Variants in MYO10 observed in about 807,000 individuals in gnomAD.
MYO10 encodes the protein myosin X.
A neutral mutation model predicts 257.3 loss-of-function variants in MYO10; 133 were observed. That is an observed-to-expected ratio of 0.52 (90% CI 0.45 to 0.60). The LOEUF (loss-of-function observed/expected upper bound fraction) is 0.60, where lower values mean the gene tolerates loss of function less well. Among genes scored for constraint, MYO10 ranks in the 20% least tolerant of loss-of-function variants. The pLI, the probability that MYO10 is intolerant of heterozygous loss-of-function variation, is 0.00. For missense variants in MYO10, 2,399 were observed against 2,635.7 expected, an observed-to-expected ratio of 0.91 and a Z score of 1.97; for synonymous variants, 1,104 against 1,028.6, an observed-to-expected ratio of 1.07 and a Z score of -1.40.
At chr5:16,763,426 A>C (rs1394437161) in intron 14 of MYO10, 55 bp downstream of exon 14, 2 of 1,362,492 alleles carry the variant, frequency 1.5e-6, no homozygotes, top group Non-Finnish European at 2.1e-6. Flanking sequence ...CATAAATATG[A>C]ATCAGTCCAG....
Position 16,701,350 on chromosome 5 carries a change from G to A in MYO10, c.3045C>T (p.His1015=), listed in dbSNP as rs1486242293. ...KDSPNPSEHG[H]SDQRTSGIRT... ...GGATGCCACTTGTTCGCTGGTCTGA[G>A]TGGCCGTGCTCGCTGGGGTTGGGGG... The change falls in exon 25 of 41, where the codon CAC becomes CAT. Residue 1015 remains histidine (H), a synonymous_variant. Coordinates refer to ENST00000513610, the MANE Select transcript of MYO10 (RefSeq NM_012334.3). The surrounding 1 kb of genome is among the most constrained non-coding windows in gnomAD (Gnocchi z 8.1). The A allele has an allele frequency of 6.2e-6, 10 of 1,613,980 alleles. No homozygotes were observed. The highest frequency in any genetic ancestry group is 2.2e-5 in the East Asian group (1 of 44,864).
At chr5:16,667,291 GCTC>G (rs1736217614) in intron 40 of MYO10, among the ~76,000 whole-genome samples, 1 of 152,102 alleles carries the variant, frequency 6.6e-6, no homozygotes, top group Non-Finnish European at 1.5e-5. Flanking sequence ...GCCAGCTTCT[GCTC>G]CACACCAGCC....
At chr5:16,698,138 A>C (rs553254314) in intron 26 of MYO10, among the ~76,000 whole-genome samples, 4 of 152,292 alleles carry the variant, frequency 2.6e-5, no homozygotes, top group African/African-American at 9.6e-5. Context: ...TGGGAGGCCA[A>C]GGTGGGAGGA....
At chr5:16,823,467 G>GGTTTTTTTTTTTT (rs1561003861) in intron 2 of MYO10, among the ~76,000 whole-genome samples, 2 of 3,978 alleles carry the variant, frequency 5.0e-4, no homozygotes, top group Non-Finnish European at 5.8e-4. Context: ...GGGGAGTGGG[G>GGTTTTTTTTTTTT]ATTTTTTTTT....
chr5:16,730,296 A>C (rs1379792508), intron 19 of MYO10, among the ~76,000 whole-genome samples: 2 of 152,174 alleles, frequency 1.3e-5, no homozygotes, highest in African/African-American at 4.8e-5. Context: ...CATTATTGGC[A>C]GAATTACTCT....
Position 16,757,113 on chromosome 5 carries a change from T to C in MYO10, c.1848+1005A>G, listed in dbSNP as rs367974426. Reference sequence around the variant, plus strand: ...CAGCCTGGGTGACAGAGCGAGACTCTGCCTTTAAAAAAAAAAAAAAAAAAA... The same window carrying C: ...CAGCCTGGGTGACAGAGCGAGACTCCGCCTTTAAAAAAAAAAAAAAAAAAA... On this transcript the variant is annotated intron_variant, in intron 18 of 40. Transcript: ENST00000513610. Among the ~76,000 whole-genome samples the C allele has an allele frequency of 3.2e-4, 43 of 132,846 alleles. 1 individual carries two copies. In the East Asian group the frequency reaches 7.9e-3, roughly 24 times the overall value. The allele number at this position is 132,846 out of a possible 152,430, so 87.2% of individuals were successfully genotyped here.
chr5:16,742,827 C>T (rs761589101), intron 19 of MYO10, among the ~76,000 whole-genome samples: 4 of 150,238 alleles, frequency 2.7e-5, no homozygotes, highest in Non-Finnish European at 4.4e-5. Flanking sequence ...AAAAAAAATA[C>T]ATACATAAAA....
At chr5:16,764,461 A>C in intron 11 of MYO10, 65 bp from the exon 12 acceptor site, 2 of 1,581,142 alleles carry the variant, frequency 1.3e-6, no homozygotes, top group Non-Finnish European at 1.7e-6. Flanking sequence ...AAGGCCATCC[A>C]TTCCCCACTT....
intron 39 of MYO10, among the ~76,000 whole-genome samples, chr5:16,669,222 CT>C (rs11292604): frequency 0.89 from 132,926 of 149,048 alleles, 59,754 homozygotes; most frequent in Non-Finnish European, 0.95. Flanking sequence ...TTTCTTTTTT[CT>C]TTTTTTTTTT....
chr5:16,828,963 A>G (rs1580048891), intron 2 of MYO10, among the ~76,000 whole-genome samples: 1 of 152,112 alleles, frequency 6.6e-6, no homozygotes, highest in Non-Finnish European at 1.5e-5. Context: ...TCAATCACTC[A>G]TGGTGGCCTG....
chr5:16,871,353 G>A (rs1744451373), intron 2 of MYO10, among the ~76,000 whole-genome samples: 1 of 152,092 alleles, frequency 6.6e-6, no homozygotes, highest in Admixed American at 6.6e-5. Flanking sequence ...AGTGGCTCAT[G>A]CCTGTAATCC....
chr5:16,892,049 G>A (rs1417971960), intron 1 of MYO10, among the ~76,000 whole-genome samples: 1 of 152,078 alleles, frequency 6.6e-6, no homozygotes. Flanking sequence ...TACTTGCTGT[G>A]GAATCCTCAG....
intron 1 of MYO10, among the ~76,000 whole-genome samples, chr5:16,884,175 G>A (rs1047688633): frequency 6.6e-6 from 1 of 152,162 alleles, no homozygotes. Context: ...CGGATTACCC[G>A]AGCCCAAAAG....
intron 2 of MYO10, among the ~76,000 whole-genome samples, chr5:16,867,502 C>T (rs987500835): frequency 6.6e-6 from 1 of 152,080 alleles, no homozygotes; most frequent in South Asian, 2.1e-4. Flanking sequence ...CAAAAGAAAA[C>T]CAGCTGGACA....
At chr5:16,782,859 C>A (rs1251376914) in intron 5 of MYO10, among the ~76,000 whole-genome samples, 2 of 152,126 alleles carry the variant, frequency 1.3e-5, no homozygotes, top group Non-Finnish European at 2.9e-5. Flanking sequence ...CACGAGAGGC[C>A]CGTTCTGCTC....
At chr5:16,816,898 C>CAACCTCA (rs1742634114) in intron 3 of MYO10, among the ~76,000 whole-genome samples, 1 of 151,474 alleles carries the variant, frequency 6.6e-6, no homozygotes, top group South Asian at 2.1e-4. Flanking sequence ...TGGCTCACTG[C>CAACCTCA]AACCTCTGCC....
rs1737260649 is a variant in MYO10 at position 16,686,537 on chromosome 5, CTA to C, written c.3897-708_3897-707del. ...TCATATTGGAATGGCCACTAGATGT[CTA>C]TTTTTTTTTTTTATGAGATGGAATG... On this transcript the variant is annotated intron_variant, in intron 28 of 40. Coordinates refer to ENST00000513610, the MANE Select transcript of MYO10 (RefSeq NM_012334.3). 5.3e-5 allele frequency among the ~76,000 whole-genome samples: 8 copies of C among 151,772 alleles called. No homozygotes were observed. The South Asian group carries it at 1.7e-3, about 32-fold the overall frequency.
chr5:16,701,518 C>A lies in MYO10; in HGVS notation c.2877G>T (p.Arg959=). Residue 959 remains arginine, a synonymous_variant, in exon 25 of 41, where the codon CGG becomes CGT. Coordinates refer to ENST00000513610, the MANE Select transcript of MYO10 (RefSeq NM_012334.3). This position sits in a 1 kb window ranked among gnomAD's most constrained non-coding sequence, Gnocchi z 8.1. ...EIDECVRNIE[R]SLSVGSEFSS... is the part of the protein sequence containing the mutation. ...AAAATTCGCTTCCCACCGACAGGGA[C>A]CGCTCGATATTCCGGACACACTCGT... is the stretch of plus-strand genomic sequence containing the variant. 6.2e-7 allele frequency: 1 copy of A among 1,614,028 alleles called. No homozygotes were observed.
intron 2 of MYO10, among the ~76,000 whole-genome samples, chr5:16,859,824 C>G (rs1446902233): frequency 6.6e-6 from 1 of 152,176 alleles, no homozygotes; most frequent in Non-Finnish European, 1.5e-5. Flanking sequence ...GTCACCTTCA[C>G]CCACCCCCAG....
Sources: allele counts gnomAD v4.1 joint callset (sites outside exome capture counted in the v4.1 genomes callset), GRCh38; gene constraint gnomAD v4.1.1; non-coding constraint Gnocchi (gnomAD v3.1); transcripts MANE v1.5; gene names NCBI Gene and HGNC (gene_info 2026-07-23, HGNC 2026-07-21).